The following HDAC9 variants were observed in gnomAD, a reference collection of about 807,000 sequenced individuals.
The protein encoded by HDAC9 is histone deacetylase 9.
A neutral mutation model predicts 139.4 loss-of-function variants in HDAC9; 41 were observed. The observed-to-expected ratio is 0.29, with a 90% confidence interval of 0.23 to 0.38. The LOEUF (loss-of-function observed/expected upper bound fraction) is 0.38, where lower values mean the gene tolerates loss of function less well. HDAC9 is among the 10% of genes least tolerant of loss of function. The pLI, the probability that HDAC9 is intolerant of heterozygous loss-of-function variation, is 1.00. For missense variants in HDAC9, 1,147 were observed against 1,297.0 expected (o/e 0.88, Z 1.78); for synonymous variants, 517 against 476.2 (o/e 1.09, Z -1.12).
intron 14 of HDAC9, 51 bp from the exon 15 acceptor site, chr7:18,762,106 C>T: frequency 1.2e-6 from 2 of 1,608,066 alleles, no homozygotes; most frequent in Non-Finnish European, 1.7e-6. Context: ...GTCTCATTTT[C>T]TTCTAAATGT....
At chr7:18,834,528 CTTTTT>C (rs5882682) in intron 19 of HDAC9, among the ~76,000 whole-genome samples, 1 of 138,124 alleles carries the variant, frequency 7.2e-6, no homozygotes, top group Non-Finnish European at 1.6e-5. Flanking sequence ...TTATATCAGG[CTTTTT>C]TTTTTTTTTT....
intron 14 of HDAC9, among the ~76,000 whole-genome samples, chr7:18,760,508 A>G (rs1389858026): frequency 6.6e-6 from 1 of 152,342 alleles, no homozygotes; most frequent in East Asian, 1.9e-4. Context: ...CTTCAGCATC[A>G]GAATTCTGAT....
intron 1 of HDAC9, among the ~76,000 whole-genome samples, chr7:18,461,286 A>C (rs1793825521): frequency 6.6e-6 from 1 of 152,224 alleles, no homozygotes; most frequent in Non-Finnish European, 1.5e-5. Context: ...AAATTTAAAA[A>C]TAAAAATCTG....
In HDAC9 at chr7:18,110,786, C is replaced by T. The variant is rs1186067332; in HGVS notation, c.-97+23573C>T. Reference sequence around the variant, plus strand: ...AGCTTGGGAGGCTATTACAGCGGTCCAGCCAACGGGGAGTCTAAACTGAGG... The same window carrying T: ...AGCTTGGGAGGCTATTACAGCGGTCTAGCCAACGGGGAGTCTAAACTGAGG... On this transcript the variant is annotated intron_variant, in intron 1 of 12. Transcript: ENST00000417496. Among the ~76,000 whole-genome samples, 42 of 152,108 alleles carry T rather than the reference C, an allele frequency of 2.8e-4. 1 individual carries two copies. The highest frequency in any genetic ancestry group is 2.7e-3 in the Admixed American group (41 of 15,256).
In HDAC9 at chr7:18,601,563, G is replaced by A. The variant is rs146050460; in HGVS notation, c.664+7534G>A. 4.2e-3 allele frequency among the ~76,000 whole-genome samples: 642 copies of A among 152,110 alleles called. 2 individuals carry two copies. The highest frequency in any genetic ancestry group is 0.015 in the African/African-American group (609 of 41,492). On this transcript the variant is annotated intron_variant, in intron 6 of 25. Coordinates refer to ENST00000686413, the MANE Select transcript of HDAC9 (RefSeq NM_178425.4). ...GGGACATCCTCACCTTGTTCCCAAT[G>A]TCAGGGGAAAGCATTTTGTTTCTCA...
At chr7:18,608,027 C>T (rs76363137) in intron 6 of HDAC9, among the ~76,000 whole-genome samples, 6,493 of 152,068 alleles carry the variant, frequency 0.043, 286 homozygotes, top group African/African-American at 0.11. Context: ...AGCATTTAGC[C>T]ATCTGTTGTA....
intron 2 of HDAC9, among the ~76,000 whole-genome samples, chr7:18,232,268 C>A (rs1180316070): frequency 6.6e-6 from 1 of 152,034 alleles, no homozygotes; most frequent in African/African-American, 2.4e-5. Context: ...GATCCAAAAC[C>A]CAAACCAGAA....
At chr7:18,821,546 C>A (rs115971745) in intron 17 of HDAC9, among the ~76,000 whole-genome samples, 1 of 152,076 alleles carries the variant, frequency 6.6e-6, no homozygotes, top group Admixed American at 6.6e-5. Flanking sequence ...ACTGATGCAG[C>A]GGGAAAAGGA....
At position 18,874,533 on chromosome 7, in the gene HDAC9, G is replaced by T; in HGVS notation, c.2740G>T (p.Ala914Ser). The change falls in exon 22 of 26, where the codon GCT (alanine) becomes TCT (serine). Residue 914 changes from alanine to serine, a missense_variant. Coordinates refer to ENST00000686413, the MANE Select transcript of HDAC9 (RefSeq NM_178425.4). ...EFDPDMVLVS[A>S]GFDALEGHTP... ...TGATCCAGACATGGTCTTAGTATCT[G>T]CTGGATTTGATGCATTGGAAGGCCA... 6.3e-7 allele frequency: 1 copy of T among 1,595,442 alleles called. No individual in the cohort carries two copies. The highest frequency in any genetic ancestry group is 8.5e-7 in the Non-Finnish European group (1 of 1,170,096).
intron 2 of HDAC9, among the ~76,000 whole-genome samples, chr7:18,173,382 CT>C (rs1788609393): frequency 6.6e-6 from 1 of 152,192 alleles, no homozygotes; most frequent in South Asian, 2.1e-4. Context: ...ATACATCACA[CT>C]GATGGGTCTT....
intron 11 of HDAC9, among the ~76,000 whole-genome samples, chr7:18,651,296 G>C (rs988341389): frequency 6.6e-6 from 1 of 152,106 alleles, no homozygotes; most frequent in African/African-American, 2.4e-5. Flanking sequence ...TCATACTGAA[G>C]CGATGGTCCT....
intron 16 of HDAC9, among the ~76,000 whole-genome samples, chr7:18,779,393 A>G (rs1467337465): frequency 1.3e-5 from 2 of 152,062 alleles, no homozygotes; most frequent in Non-Finnish European, 2.9e-5. Context: ...AGAATGCAAT[A>G]AAGAATATCA....
intron 17 of HDAC9, among the ~76,000 whole-genome samples, chr7:18,823,644 G>A (rs1795152052): frequency 6.6e-6 from 1 of 152,112 alleles, no homozygotes; most frequent in Non-Finnish European, 1.5e-5. Flanking sequence ...AGGATCACAT[G>A]CGGTCTTAAG....
intron 23 of HDAC9, among the ~76,000 whole-genome samples, chr7:18,941,759 G>A (rs995049018): frequency 2.0e-5 from 3 of 152,160 alleles, no homozygotes; most frequent in Non-Finnish European, 4.4e-5. Context: ...GTAATCTAAA[G>A]AGAATAAAAC....
chr7:18,893,174 G>T (rs988144050), intron 22 of HDAC9, among the ~76,000 whole-genome samples: 8 of 152,000 alleles, frequency 5.3e-5, no homozygotes, highest in African/African-American at 1.9e-4. Flanking sequence ...TATTGATGGT[G>T]ACAGTAGTGT....
At chr7:18,807,039 C>T (rs1793766856) in intron 17 of HDAC9, among the ~76,000 whole-genome samples, 1 of 152,078 alleles carries the variant, frequency 6.6e-6, no homozygotes, top group African/African-American at 2.4e-5. Context: ...TGCATTAATT[C>T]TTTAAATGTT....
rs151285322 is a variant in HDAC9, at chr7:18,240,077, T to G, written c.25+77728T>G. 2.1e-3 allele frequency among the ~76,000 whole-genome samples: 322 copies of G among 151,992 alleles called. 1 individual carries two copies. Among genetic ancestry groups the G allele is most frequent in the African/African-American group, 7.5e-3 (310 of 41,490 alleles). ...ACAATGTCAGAAGAAACCTTTTAAC[T>G]TGGAACTTGGTAAAAGTAATAGAAA... is the stretch of plus-strand genomic sequence containing the variant. On this transcript the variant is annotated intron_variant, in intron 2 of 12. Transcript: ENST00000417496.
At chr7:18,247,993 G>GA (rs1794668359) in intron 2 of HDAC9, among the ~76,000 whole-genome samples, 1 of 152,112 alleles carries the variant, frequency 6.6e-6, no homozygotes, top group Non-Finnish European at 1.5e-5. Context: ...AAGTCATGGG[G>GA]AGAATATCTG....
chr7:18,103,833 A>C (rs752878714), intron 1 of HDAC9, among the ~76,000 whole-genome samples: 4 of 93,144 alleles, frequency 4.3e-5, no homozygotes, highest in Non-Finnish European at 9.7e-5. Flanking sequence ...ACATCGGAAT[A>C]AATGTGAGCT....
Sources: gnomAD v4.1 joint callset for allele counts (sites outside exome capture counted in the v4.1 genomes callset) on GRCh38, gnomAD v4.1.1 for gene constraint, MANE v1.5 for transcripts, NCBI Gene and HGNC (gene_info 2026-07-23, HGNC 2026-07-21) for gene names.